The following PATJ variants were observed in gnomAD, a reference collection of about 807,000 sequenced individuals.
PATJ encodes the protein inaD-like protein.
In PATJ, 190 loss-of-function variants were observed where a neutral mutation model predicts 224.9. The ratio of observed to expected loss-of-function variants is 0.84; its 90% CI spans 0.75 to 0.95. The LOEUF is 0.95. Among genes scored for constraint, PATJ ranks in the 40% least tolerant of loss-of-function variants. The pLI is 0.00. For missense variants in PATJ, 2,121 were observed against 2,270.3 expected (o/e 0.93, Z 1.34); for synonymous variants, 769 against 820.3 (o/e 0.94, Z 1.07).
intron 27 of PATJ, among the ~76,000 whole-genome samples, chr1:61,955,460 TAGA>T (rs1457058232): frequency 3.3e-5 from 5 of 152,134 alleles, no homozygotes; most frequent in Admixed American, 6.5e-5. Context: ...GTGAGTCTAC[TAGA>T]AGAAGTGCTA....
chr1:62,004,982 G>A (rs1020438866), intron 28 of PATJ, among the ~76,000 whole-genome samples: 1 of 152,042 alleles, frequency 6.6e-6, no homozygotes, highest in Admixed American at 6.6e-5. Context: ...ATCTACATCT[G>A]TATCATCCTC....
intron 31 of PATJ, among the ~76,000 whole-genome samples, chr1:62,057,275 GA>G (rs1278497640): frequency 6.6e-6 from 1 of 152,184 alleles, no homozygotes; most frequent in Non-Finnish European, 1.5e-5. Flanking sequence ...GGACAAAGAA[GA>G]AAACAAAGGA....
chr1:61,776,851 G>A (rs1266776258), intron 7 of PATJ, among the ~76,000 whole-genome samples: 3 of 151,658 alleles, frequency 2.0e-5, no homozygotes, highest in East Asian at 3.9e-4. Context: ...TCAGCCTCCC[G>A]AGTAGCTGGG....
chr1:61,923,922 CAAA>C (rs535481890), intron 26 of PATJ, among the ~76,000 whole-genome samples: 2 of 77,776 alleles, frequency 2.6e-5, no homozygotes, highest in African/African-American at 5.5e-5. Context: ...AACTCCATCT[CAAA>C]AAAAAAAAAA....
At chr1:62,122,839 A>G (rs559452800) in intron 38 of PATJ, among the ~76,000 whole-genome samples, 182 bp from the exon 39 acceptor site, 43 of 151,302 alleles carry the variant, frequency 2.8e-4, no homozygotes, top group African/African-American at 1.0e-3. Context: ...AAAAAAAAAG[A>G]GGACATGGCC....
At chr1:61,927,372 T>G (rs554737592) in intron 26 of PATJ, among the ~76,000 whole-genome samples, 1 of 152,336 alleles carries the variant, frequency 6.6e-6, no homozygotes, top group South Asian at 2.1e-4. Flanking sequence ...TTTAGAAATG[T>G]CTTTCATTTG....
At chr1:62,047,585 G>A (rs7528431) in intron 30 of PATJ, among the ~76,000 whole-genome samples, 61,561 of 152,024 alleles carry the variant, frequency 0.4, 12,955 homozygotes, top group Middle Eastern at 0.51. Flanking sequence ...CTTGGCCACC[G>A]TAACCTCGCC....
chr1:61,947,368 AG>A (rs1678900753), intron 27 of PATJ, among the ~76,000 whole-genome samples: 1 of 152,342 alleles, frequency 6.6e-6, no homozygotes, highest in South Asian at 2.1e-4. Flanking sequence ...ACTTCAGCAA[AG>A]TCTCAGGATA....
intron 28 of PATJ, 89 bp downstream of exon 28, chr1:61,990,453 T>C: frequency 1.3e-6 from 1 of 769,764 alleles, no homozygotes; most frequent in Non-Finnish European, 1.9e-6. Flanking sequence ...AAGGGAAGAA[T>C]GATGTCAAAT....
At chr1:61,902,225 GGA>G (rs1671278882) in intron 24 of PATJ, among the ~76,000 whole-genome samples, 1 of 59,276 alleles carries the variant, frequency 1.7e-5, no homozygotes, top group African/African-American at 5.4e-5. Flanking sequence ...TCTCAAAGCA[GGA>G]AAAAAAAAAA....
chr1:62,137,195 C>G lies in PATJ; in HGVS notation c.5271+8250C>G, dbSNP rs1167924860. 2.6e-5 allele frequency among the ~76,000 whole-genome samples: 4 copies of G among 151,494 alleles called. No homozygotes were observed. The East Asian group carries it at 7.9e-4, about 30-fold the overall frequency. ...AATTAAGTTTAATGTTCCTTTTACC[C>G]TAAGTTATTAAATGCAACATGGAGG... On this transcript the variant is annotated intron_variant, in intron 41 of 43. Coordinates refer to ENST00000642238, the MANE Select transcript of PATJ (RefSeq NM_001350145.3).
chr1:62,135,701 T>C (rs1212200456), intron 41 of PATJ, among the ~76,000 whole-genome samples: 1 of 152,206 alleles, frequency 6.6e-6, no homozygotes, highest in Admixed American at 6.5e-5. Flanking sequence ...TCACCTTCTA[T>C]TCCTCTAAAA....
At chr1:62,101,780 C>G (rs929917205) in intron 33 of PATJ, among the ~76,000 whole-genome samples, 18 of 152,292 alleles carry the variant, frequency 1.2e-4, no homozygotes, top group African/African-American at 4.3e-4. Context: ...CTCTCAAATC[C>G]TGTCTGACCC....
At chr1:61,958,493 T>G (rs17313118) in intron 27 of PATJ, among the ~76,000 whole-genome samples, 23,853 of 152,168 alleles carry the variant, frequency 0.16, 2,358 homozygotes, top group Non-Finnish European at 0.22. Flanking sequence ...CTATACACCT[T>G]AAAGCCCTCT....
chr1:62,014,011 T>G (rs1249466320), intron 28 of PATJ, among the ~76,000 whole-genome samples: 1 of 152,174 alleles, frequency 6.6e-6, no homozygotes, highest in Admixed American at 6.5e-5. Flanking sequence ...TGACCTCAAA[T>G]GATCCGCCCA....
intron 32 of PATJ, 136 bp from the exon 33 acceptor site, chr1:62,084,379 T>A: frequency 1.2e-6 from 1 of 864,976 alleles, no homozygotes; most frequent in Non-Finnish European, 1.7e-6. Flanking sequence ...TGACCCAGCT[T>A]TTTGCTTCAT....
intron 27 of PATJ, among the ~76,000 whole-genome samples, chr1:61,966,191 C>T (rs867541520): frequency 1.6e-4 from 24 of 152,276 alleles, no homozygotes; most frequent in Middle Eastern, 3.4e-3. Flanking sequence ...TGAGCCACCG[C>T]ACCTGGTCTA....
At chr1:61,954,213 G>A (rs980546676) in intron 27 of PATJ, among the ~76,000 whole-genome samples, 10 of 152,046 alleles carry the variant, frequency 6.6e-5, no homozygotes, top group African/African-American at 2.4e-4. Flanking sequence ...AATACACTTT[G>A]GTAGTCTTAT....
chr1:62,015,824 C>T (rs187771918), intron 28 of PATJ, among the ~76,000 whole-genome samples: 35 of 152,306 alleles, frequency 2.3e-4, no homozygotes, highest in East Asian at 9.6e-4. Flanking sequence ...TGCACCACCA[C>T]GCCCAGCTAA....
Sources: gnomAD v4.1 joint callset for allele counts (sites outside exome capture counted in the v4.1 genomes callset) on GRCh38, gnomAD v4.1.1 for gene constraint, MANE v1.5 for transcripts, NCBI Gene and HGNC (gene_info 2026-07-23, HGNC 2026-07-21) for gene names.